PDE10A: variants seen among roughly 807,000 people sequenced by gnomAD.
PDE10A encodes the protein phosphodiesterase 10A.
In PDE10A, 39 loss-of-function variants were observed where a neutral mutation model predicts 97.7. The observed-to-expected ratio is 0.40, with a 90% CI of 0.31 to 0.52. PDE10A has a LOEUF of 0.52. PDE10A is among the 20% of genes least tolerant of loss of function. The probability of loss-of-function intolerance (pLI) is 0.56; values close to 1 mark genes in which losing one functional copy is unlikely to be tolerated. For synonymous variants in PDE10A, 371 were observed against 376.8 expected (o/e 0.98, Z 0.18); for missense variants, 731 against 1,047.8 (o/e 0.70, Z 4.17).
intron 1 of PDE10A, among the ~76,000 whole-genome samples, chr6:165,547,963 G>A (rs1023699921): frequency 6.6e-6 from 1 of 152,072 alleles, no homozygotes; most frequent in Non-Finnish European, 1.5e-5. Context: ...TTCAGATGAA[G>A]ATTTTGCCTA....
chr6:165,773,840 G>A (rs1482511691), intron 1 of PDE10A, among the ~76,000 whole-genome samples: 1 of 152,020 alleles, frequency 6.6e-6, no homozygotes, highest in African/African-American at 2.4e-5. Context: ...AAAACCTTAG[G>A]GTGTCATTTA....
chr6:165,757,987 T>C (rs571696514), intron 1 of PDE10A, among the ~76,000 whole-genome samples: 1 of 152,354 alleles, frequency 6.6e-6, no homozygotes, highest in South Asian at 2.1e-4. Flanking sequence ...GACAAAAATC[T>C]ATATAAATGA....
upstream of PDE10A, among the ~76,000 whole-genome samples, chr6:165,666,282 T>A (rs1790494091): frequency 6.6e-6 from 1 of 152,238 alleles, no homozygotes; most frequent in South Asian, 2.1e-4. Context: ...TTTCCTTTTT[T>A]AAATAATAAC....
At chr6:165,506,203 G>A (rs1781181896) in intron 2 of PDE10A, among the ~76,000 whole-genome samples, 1 of 152,058 alleles carries the variant, frequency 6.6e-6, no homozygotes, top group Admixed American at 6.6e-5. Context: ...GAATTTCACA[G>A]ACATTCCTTT....
At chr6:165,934,692 A>C (rs1783264872) in intron 1 of PDE10A, among the ~76,000 whole-genome samples, 1 of 152,208 alleles carries the variant, frequency 6.6e-6, no homozygotes, top group African/African-American at 2.4e-5. Context: ...AGTTCTTAGG[A>C]TGGCAAAATT....
At chr6:165,908,851 C>T (rs1471080519) in intron 1 of PDE10A, 2 of 152,256 alleles carry the variant, frequency 1.3e-5, no homozygotes, top group Non-Finnish European at 2.9e-5. Context: ...GGTGAATCTC[C>T]TTGAATTTCT....
intron 1 of PDE10A, among the ~76,000 whole-genome samples, chr6:165,897,617 A>T (rs1475114697): frequency 6.6e-6 from 1 of 151,650 alleles, no homozygotes; most frequent in Non-Finnish European, 1.5e-5. Context: ...AGTGAGAAGG[A>T]CCAGACCCGC....
chr6:165,931,625 G>C (rs1425225461), intron 1 of PDE10A, among the ~76,000 whole-genome samples: 1 of 152,228 alleles, frequency 6.6e-6, no homozygotes, highest in Non-Finnish European at 1.5e-5. Context: ...GGCAGCACCA[G>C]TTCCTTGCAG....
intron 1 of PDE10A, among the ~76,000 whole-genome samples, chr6:165,650,378 C>A (rs1789618437): frequency 1.3e-5 from 2 of 152,202 alleles, no homozygotes. Context: ...CTCCCCTCCA[C>A]CTCCCTTTAC....
At chr6:165,424,945 CAACA>C (rs1409257266) in intron 10 of PDE10A, among the ~76,000 whole-genome samples, 1 of 152,034 alleles carries the variant, frequency 6.6e-6, no homozygotes, top group Non-Finnish European at 1.5e-5. Flanking sequence ...TGTGGACCCA[CAACA>C]AATATACATA....
At chr6:165,885,044 G>A (rs893373205) in intron 1 of PDE10A, among the ~76,000 whole-genome samples, 8 of 152,154 alleles carry the variant, frequency 5.3e-5, no homozygotes, top group African/African-American at 1.9e-4. Context: ...TTTACCGCCA[G>A]GTGGCAGCGT....
chr6:165,826,573 A>G (rs1779759888), intron 1 of PDE10A, among the ~76,000 whole-genome samples: 2 of 149,620 alleles, frequency 1.3e-5, no homozygotes, highest in South Asian at 4.3e-4. Flanking sequence ...CGCTCCCGCC[A>G]CGCCCCCAGG....
At chr6:165,839,952 C>CGCATCACCATCTCCAGCT (rs1780196515) in intron 1 of PDE10A, among the ~76,000 whole-genome samples, 1 of 151,090 alleles carries the variant, frequency 6.6e-6, no homozygotes, top group African/African-American at 2.4e-5. Context: ...CATTTCCATC[C>CGCATCACCATCTCCAGCT]CCATCTACAT....
intron 1 of PDE10A, among the ~76,000 whole-genome samples, chr6:165,842,933 C>G (rs1780300612): frequency 1.3e-5 from 2 of 152,242 alleles, no homozygotes; most frequent in African/African-American, 4.8e-5. Flanking sequence ...AAACTGGAAT[C>G]ACAACATCTG....
chr6:165,760,359 G>A (rs1462417406), intron 1 of PDE10A, among the ~76,000 whole-genome samples: 9 of 152,120 alleles, frequency 5.9e-5, no homozygotes, highest in African/African-American at 2.2e-4. Flanking sequence ...AACCAGACAC[G>A]TGACTCCTCA....
chr6:165,459,056 G>A (rs1361503725), intron 3 of PDE10A, among the ~76,000 whole-genome samples: 1 of 152,054 alleles, frequency 6.6e-6, no homozygotes, highest in African/African-American at 2.4e-5. Context: ...GAAGAATATA[G>A]GCCAATTTTG....
At chr6:165,859,779 G>T (rs1780847488) in intron 1 of PDE10A, among the ~76,000 whole-genome samples, 1 of 152,130 alleles carries the variant, frequency 6.6e-6, no homozygotes, top group Non-Finnish European at 1.5e-5. Flanking sequence ...GGGAAGCTAT[G>T]TTTATCACAG....
intron 1 of PDE10A, among the ~76,000 whole-genome samples, chr6:165,767,403 C>T (rs1045030435): frequency 3.9e-5 from 6 of 152,124 alleles, no homozygotes; most frequent in African/African-American, 7.2e-5. Flanking sequence ...TTTCATAACC[C>T]GCAAGGGGAA....
intron 1 of PDE10A, among the ~76,000 whole-genome samples, chr6:165,715,362 A>G (rs554047902): frequency 6.6e-6 from 1 of 152,348 alleles, no homozygotes; most frequent in African/African-American, 2.4e-5. Context: ...ACGCACTCAA[A>G]AATCAGCCAA....
Sources: allele counts gnomAD v4.1 joint callset (sites outside exome capture counted in the v4.1 genomes callset), GRCh38; gene constraint gnomAD v4.1.1; transcripts MANE v1.5; gene names NCBI Gene and HGNC (gene_info 2026-07-23, HGNC 2026-07-21).